Variants in ABCD2 observed in about 807,000 individuals in gnomAD.
ABCD2 encodes the protein ATP-binding cassette sub-family D member 2.
Under a neutral mutation model 70.9 loss-of-function variants are expected in ABCD2, and 36 were observed. That is an observed-to-expected ratio of 0.51 (90% CI 0.39 to 0.67). ABCD2 has a LOEUF of 0.67. Among genes scored for constraint, ABCD2 ranks in the 30% least tolerant of loss-of-function variants. The probability of loss-of-function intolerance (pLI) is 0.00; values close to 1 mark genes in which losing one functional copy is unlikely to be tolerated. For synonymous variants in ABCD2, 304 were observed against 306.9 expected, an observed-to-expected ratio of 0.99 and a Z score of 0.10; for missense variants, 729 against 890.2, an observed-to-expected ratio of 0.82 and a Z score of 2.30.
the ABCD2 span, among the ~76,000 whole-genome samples, chr12:39,534,317 C>A: frequency 6.6e-6 from 1 of 152,192 alleles, no homozygotes; most frequent in African/African-American, 2.4e-5. Context: ...TCACTTGTTA[C>A]ATGATATGGT....
chr12:39,600,773 G>T, intron 5 of ABCD2, 57 bp from the exon 6 acceptor site: 2 of 1,427,948 alleles, frequency 1.4e-6, no homozygotes, highest in Non-Finnish European at 1.9e-6. Flanking sequence ...TATTTTGGCA[G>T]CACCTAAAAG....
At chr12:39,560,396 A>C (rs1342770189) in intron 9 of ABCD2, among the ~76,000 whole-genome samples, 1 of 152,110 alleles carries the variant, frequency 6.6e-6, no homozygotes, top group Non-Finnish European at 1.5e-5. Context: ...ACATTTTCTT[A>C]ATCCAGTCTA....
chr12:39,584,070 G>A (rs900972215), intron 7 of ABCD2, among the ~76,000 whole-genome samples: 9 of 152,106 alleles, frequency 5.9e-5, no homozygotes, highest in Non-Finnish European at 1.2e-4. Flanking sequence ...TGAAATGGTA[G>A]TTCTGTTTTT....
chr12:39,597,968 G>C (rs1055537990), intron 6 of ABCD2, among the ~76,000 whole-genome samples: 1 of 152,052 alleles, frequency 6.6e-6, no homozygotes, highest in African/African-American at 2.4e-5. Context: ...AAACATTGAG[G>C]TGGTTTCATA....
chr12:39,597,062 T>C (rs1423253882), intron 6 of ABCD2, among the ~76,000 whole-genome samples: 1 of 152,176 alleles, frequency 6.6e-6, no homozygotes, highest in Non-Finnish European at 1.5e-5. Flanking sequence ...GAATCCAAGG[T>C]TGTGGAAGCT....
At position 39,607,544 on chromosome 12, in the gene ABCD2, G is replaced by A. The variant is rs568234365; in HGVS notation, c.1236+55C>T. On this transcript the variant is annotated intron_variant, in intron 3 of 9. Coordinates refer to ENST00000308666, the MANE Select transcript of ABCD2 (RefSeq NM_005164.4). ...AAGTATACTTGGTAATTGACATTTT[G>A]CTTGATTTTCATAAATTTTATTTTA... The A allele has an allele frequency of 2.9e-5, 40 of 1,387,656 alleles. No homozygotes were observed. In the South Asian group the frequency reaches 4.9e-4, roughly 17 times the overall value. The allele number at this position is 1,387,656 out of a possible 1,614,324, so 86.0% of individuals were successfully genotyped here. A position where few individuals can be genotyped will look rare whatever the true frequency, so the allele number is the denominator to read the frequency against.
rs775774529 is a variant in ABCD2 at position 39,603,878 on chromosome 12, G to T, written c.1500+34C>A. 28 of 1,457,040 alleles carry T rather than the reference G, an allele frequency of 1.9e-5. No individual in the cohort carries two copies. In the Admixed American group the frequency reaches 4.7e-4, roughly 25 times the overall value. 90.3% of individuals were successfully genotyped at this position (1,457,040 alleles called of 1,614,324 possible). A position where few individuals can be genotyped will look rare whatever the true frequency, so the allele number is the denominator to read the frequency against. On this transcript the variant is annotated intron_variant, in intron 5 of 9. Coordinates refer to ENST00000308666, the MANE Select transcript of ABCD2 (RefSeq NM_005164.4). Reference sequence around the variant, plus strand: ...TGAGTTGTTTTGTATTAGTGTGATGGCAACAATCAGAAGATTCTTGAATAT... The same window carrying T: ...TGAGTTGTTTTGTATTAGTGTGATGTCAACAATCAGAAGATTCTTGAATAT...
downstream of ABCD2, among the ~76,000 whole-genome samples, chr12:39,545,878 A>AG (rs1161641641): frequency 6.6e-6 from 1 of 152,228 alleles, no homozygotes; most frequent in Non-Finnish European, 1.5e-5. Context: ...CCAAAGAAGC[A>AG]GAAAGAGGAA....
intron 6 of ABCD2, among the ~76,000 whole-genome samples, chr12:39,592,844 A>G (rs1473315831): frequency 6.6e-6 from 1 of 152,206 alleles, no homozygotes; most frequent in Admixed American, 6.5e-5. Flanking sequence ...CTAGATATTC[A>G]TTAAGAATTG....
intron 9 of ABCD2, among the ~76,000 whole-genome samples, chr12:39,563,496 G>C (rs1941292184): frequency 6.6e-6 from 1 of 152,110 alleles, no homozygotes; most frequent in African/African-American, 2.4e-5. Flanking sequence ...ACTACTGAAA[G>C]TCCTACCCAG....
intron 6 of ABCD2, among the ~76,000 whole-genome samples, chr12:39,595,616 A>ATCAAG (rs1177845795): frequency 4.6e-5 from 7 of 152,226 alleles, no homozygotes; most frequent in Admixed American, 1.3e-4. Context: ...AGTAGTATTT[A>ATCAAG]TATTTAATCT....
chr12:39,552,510 A>T lies in ABCD2; in HGVS notation c.*1402T>A, dbSNP rs981878982. 6.6e-6 allele frequency: 1 copy of T among 151,970 alleles called. No individual in the cohort carries two copies. The highest frequency in any genetic ancestry group is 1.5e-5 in the Non-Finnish European group (1 of 67,844). The allele number at this position is 151,970 out of a possible 1,614,324, so 9.4% of individuals were successfully genotyped here. On this transcript the variant is annotated 3_prime_UTR_variant, in exon 10 of 10. Transcript: ENST00000308666. The stretch of plus-strand genomic sequence containing the variant: ...AGAATAAAATCTATTTCATATGACT[A>T]GTCCATATAGATTATTTCTCATTAT...
At chr12:39,549,742 A>C (rs564994828), downstream of ABCD2, among the ~76,000 whole-genome samples, 23 of 152,092 alleles carry the variant, frequency 1.5e-4, no homozygotes, top group African/African-American at 5.1e-4. Flanking sequence ...TAAACTAATT[A>C]AAAGAAGGTT....
chr12:39,603,867 T>C, intron 5 of ABCD2, 45 bp downstream of exon 5: 8 of 1,388,802 alleles, frequency 5.8e-6, no homozygotes, highest in Non-Finnish European at 8.2e-6. Flanking sequence ...TTGTTTTGTA[T>C]TAGTGTGATG....
At chr12:39,603,098 T>C (rs2120721903) in intron 5 of ABCD2, among the ~76,000 whole-genome samples, 1 of 152,250 alleles carries the variant, frequency 6.6e-6, no homozygotes, top group East Asian at 1.9e-4. Flanking sequence ...TCCTCTCAAC[T>C]CTCAGTAACC....
At chr12:39,615,222 G>A (rs1942099833) in intron 2 of ABCD2, among the ~76,000 whole-genome samples, 1 of 151,830 alleles carries the variant, frequency 6.6e-6, no homozygotes, top group Non-Finnish European at 1.5e-5. Flanking sequence ...TAACACCAGT[G>A]TGTCCAAGCA....
In ABCD2 at chr12:39,607,660, G is replaced by A; in HGVS notation, c.1175C>T (p.Ala392Val). 1 of 1,613,242 alleles carries A rather than the reference G, an allele frequency of 6.2e-7. No homozygotes were observed. The highest frequency in any genetic ancestry group is 8.5e-7 in the Non-Finnish European group (1 of 1,179,812). The change falls in exon 3 of 10, where the codon GCT (alanine) becomes GTT (valine). Residue 392 changes from alanine to valine, a missense_variant. Coordinates refer to ENST00000308666, the MANE Select transcript of ABCD2 (RefSeq NM_005164.4). ...AGCTCCAGAGGCCAGTAAATTTCGA[G>A]CAGTGGTAAAGGCTTCTGTCCGTTC... Reference protein sequence around the residue: ...VSERTEAFTTARNLLASGADA... With the variant: ...VSERTEAFTTVRNLLASGADA...
At chr12:39,544,901 C>A in the ABCD2 span, among the ~76,000 whole-genome samples, 11 of 152,278 alleles carry the variant, frequency 7.2e-5, no homozygotes, top group East Asian at 2.1e-3. Context: ...GAACAGCCTA[C>A]TGTAAGGTAA....
chr12:39,549,301 T>G (rs1941057087), downstream of ABCD2, among the ~76,000 whole-genome samples: 1 of 151,924 alleles, frequency 6.6e-6, no homozygotes, highest in Non-Finnish European at 1.5e-5. Context: ...TGGTCTTAGA[T>G]AGAAAATACA....
Sources: allele counts gnomAD v4.1 joint callset (sites outside exome capture counted in the v4.1 genomes callset), GRCh38; gene constraint gnomAD v4.1.1; transcripts MANE v1.5; gene names NCBI Gene and HGNC (gene_info 2026-07-23, HGNC 2026-07-21).